Variants in ULK4 observed in about 807,000 individuals in gnomAD.
ULK4 encodes the protein inactive serine/threonine-protein kinase ULK4.
A neutral mutation model predicts 160.6 loss-of-function variants in ULK4; 133 were observed. The ratio of observed to expected loss-of-function variants is 0.83; its 90% CI spans 0.72 to 0.96. The LOEUF is 0.96. Ranked by LOEUF, ULK4 falls within the 40% of genes least tolerant of loss-of-function variation. The probability of loss-of-function intolerance (pLI) is 0.00; values close to 1 mark genes in which losing one functional copy is unlikely to be tolerated. For synonymous variants in ULK4, 534 were observed against 539.8 expected (o/e 0.99, Z 0.15); for missense variants, 1,580 against 1,499.5 (o/e 1.05, Z -0.89).
intron 35 of ULK4, among the ~76,000 whole-genome samples, chr3:41,343,962 G>A (rs180767698): frequency 6.6e-6 from 1 of 152,282 alleles, no homozygotes; most frequent in East Asian, 1.9e-4. Flanking sequence ...ATTCTTCACA[G>A]AATTAGAAGT....
At chr3:41,949,999 G>A (rs1194305423) in intron 2 of ULK4, among the ~76,000 whole-genome samples, 4 of 151,766 alleles carry the variant, frequency 2.6e-5, no homozygotes. Flanking sequence ...GTCTCTCAAA[G>A]TGCTGGGATT....
chr3:41,502,570 TAATA>T (rs1164600566), intron 32 of ULK4, among the ~76,000 whole-genome samples: 1 of 152,194 alleles, frequency 6.6e-6, no homozygotes, highest in Non-Finnish European at 1.5e-5. Context: ...GCTGGGAAAT[TAATA>T]AACAAAATGA....
chr3:41,807,864 G>C (rs80063158), intron 19 of ULK4, among the ~76,000 whole-genome samples: 1,912 of 152,118 alleles, frequency 0.013, 36 homozygotes, highest in African/African-American at 0.041. Context: ...GCCTCTCTCT[G>C]TTCCTTTATT....
At chr3:41,452,204 C>T (rs371815470) in intron 34 of ULK4, among the ~76,000 whole-genome samples, 71 of 152,270 alleles carry the variant, frequency 4.7e-4, no homozygotes, top group African/African-American at 1.6e-3. Flanking sequence ...TACATCAGAA[C>T]CTCCAGAAAG....
chr3:41,732,174 G>A (rs573334798), intron 22 of ULK4, among the ~76,000 whole-genome samples: 1 of 151,902 alleles, frequency 6.6e-6, no homozygotes, highest in African/African-American at 2.4e-5. Flanking sequence ...AGGAAACAAG[G>A]GTGAACAGAC....
At chr3:41,780,132 C>T (rs1352414658) in intron 21 of ULK4, among the ~76,000 whole-genome samples, 1 of 151,510 alleles carries the variant, frequency 6.6e-6, no homozygotes. Context: ...GGCAGCATGG[C>T]GAAACCCAGT....
chr3:41,351,004 T>C (rs960071443), intron 35 of ULK4, among the ~76,000 whole-genome samples: 5 of 152,168 alleles, frequency 3.3e-5, no homozygotes, highest in Non-Finnish European at 7.4e-5. Flanking sequence ...GTGGCAGAAA[T>C]TGAAACAAAA....
intron 31 of ULK4, among the ~76,000 whole-genome samples, chr3:41,585,029 G>A (rs1339701814): frequency 6.6e-6 from 1 of 152,038 alleles, no homozygotes; most frequent in Non-Finnish European, 1.5e-5. Context: ...ACAAAGAAAT[G>A]GGAAGATATC....
chr3:41,668,714 G>A (rs1243056686), intron 29 of ULK4, among the ~76,000 whole-genome samples: 2 of 152,112 alleles, frequency 1.3e-5, no homozygotes, highest in Non-Finnish European at 2.9e-5. Context: ...AATTTAGAAA[G>A]GGAGTTAGGC....
At chr3:41,904,666 T>C (rs970818416) in intron 12 of ULK4, among the ~76,000 whole-genome samples, 17 of 152,184 alleles carry the variant, frequency 1.1e-4, no homozygotes, top group Middle Eastern at 6.3e-3. Flanking sequence ...ATAACCCATT[T>C]ATACTAAATT....
intron 23 of ULK4, 25 bp downstream of exon 23, chr3:41,717,703 G>A: frequency 6.3e-7 from 1 of 1,591,566 alleles, no homozygotes; most frequent in East Asian, 2.2e-5. Flanking sequence ...CAGAAATGGG[G>A]CCTGAGGATG....
intron 32 of ULK4, among the ~76,000 whole-genome samples, chr3:41,493,707 T>G (rs546556124): frequency 1.3e-5 from 2 of 149,888 alleles, no homozygotes; most frequent in Non-Finnish European, 3.0e-5. Flanking sequence ...AAAAAAGAGA[T>G]AAGAATCAAA....
intron 25 of ULK4, among the ~76,000 whole-genome samples, chr3:41,705,652 ACGCCTGG>A (rs1430611636): frequency 6.6e-6 from 1 of 152,010 alleles, no homozygotes; most frequent in Non-Finnish European, 1.5e-5. Flanking sequence ...ATGTGCCACC[ACGCCTGG>A]CTAATTTTGT....
intron 35 of ULK4, among the ~76,000 whole-genome samples, chr3:41,330,589 AGG>A (rs2080422520): frequency 6.6e-6 from 1 of 152,224 alleles, no homozygotes; most frequent in South Asian, 2.1e-4. Flanking sequence ...GGTTAGTCAG[AGG>A]GTCAGAGCCA....
At chr3:41,877,215 A>G (rs1337273176) in intron 17 of ULK4, among the ~76,000 whole-genome samples, 1 of 152,172 alleles carries the variant, frequency 6.6e-6, no homozygotes, top group Non-Finnish European at 1.5e-5. Flanking sequence ...TCCCAAGGGA[A>G]AAAAAGTACT....
intron 4 of ULK4, among the ~76,000 whole-genome samples, 186 bp downstream of exon 4, chr3:41,935,615 C>G (rs1699751552): frequency 6.6e-6 from 1 of 152,122 alleles, no homozygotes; most frequent in Non-Finnish European, 1.5e-5. Context: ...CCCGCCTCAG[C>G]CTCCCAAAGT....
At position 41,790,455 on chromosome 3, in the gene ULK4, T is replaced by G. The variant is rs918179733; in HGVS notation, c.2011-612A>C. On this transcript the variant is annotated intron_variant, in intron 20 of 36. Transcript: ENST00000301831. ...AGACTATTAGACATGAAACTTAAAATCAGCTAATAGAATGTATTAAGTGTT... is the reference window on the plus strand; with the variant it reads ...AGACTATTAGACATGAAACTTAAAAGCAGCTAATAGAATGTATTAAGTGTT... Among the ~76,000 whole-genome samples the G allele has an allele frequency of 2.0e-5, 3 of 152,190 alleles. No individual in the cohort carries two copies. The South Asian group carries it at 6.2e-4, about 32-fold the overall frequency.
intron 18 of ULK4, among the ~76,000 whole-genome samples, chr3:41,829,949 T>A (rs995177175): frequency 6.6e-6 from 1 of 151,840 alleles, no homozygotes; most frequent in Non-Finnish European, 1.5e-5. Flanking sequence ...ATATACACCA[T>A]GGAATACTAT....
At chr3:41,855,322 G>A (rs1188774864) in intron 17 of ULK4, among the ~76,000 whole-genome samples, 1 of 152,164 alleles carries the variant, frequency 6.6e-6, no homozygotes, top group African/African-American at 2.4e-5. Flanking sequence ...ACCATTCCAG[G>A]CAGAGAAAAC....
Sources: allele counts gnomAD v4.1 joint callset (sites outside exome capture counted in the v4.1 genomes callset), GRCh38; gene constraint gnomAD v4.1.1; transcripts MANE v1.5; gene names NCBI Gene and HGNC (gene_info 2026-07-23, HGNC 2026-07-21).